The following CDC42BPA variants were observed in gnomAD, a reference collection of about 807,000 sequenced individuals.
CDC42BPA encodes CDC42 binding protein kinase alpha.
Under a neutral mutation model 223.5 loss-of-function variants are expected in CDC42BPA, and 80 were observed. The ratio of observed to expected loss-of-function variants is 0.36; its 90% CI spans 0.30 to 0.43. The LOEUF (loss-of-function observed/expected upper bound fraction) is 0.43. Among genes scored for constraint, CDC42BPA ranks in the 20% least tolerant of loss-of-function variants. CDC42BPA has a pLI of 1.00. For missense variants in CDC42BPA, 1,743 were observed against 2,099.9 expected, an observed-to-expected ratio of 0.83 and a Z score of 3.32; for synonymous variants, 694 against 718.6, an observed-to-expected ratio of 0.97 and a Z score of 0.55.
At chr1:227,258,655 C>T (rs1219749230) in intron 1 of CDC42BPA, among the ~76,000 whole-genome samples, 11 of 150,640 alleles carry the variant, frequency 7.3e-5, no homozygotes, top group Admixed American at 7.2e-4. Context: ...CCAAAAGAAT[C>T]ATGTATCAAT....
intron 5 of CDC42BPA, chr1:227,183,237 T>C (rs1056170092): frequency 5.3e-5 from 8 of 152,220 alleles, no homozygotes; most frequent in Non-Finnish European, 7.3e-5. Context: ...CAATTTTATC[T>C]TGTGTATAGA....
At chr1:227,205,723 A>C (rs1412337762) in intron 3 of CDC42BPA, among the ~76,000 whole-genome samples, 21 of 152,184 alleles carry the variant, frequency 1.4e-4, no homozygotes, top group Admixed American at 1.4e-3. Context: ...TATTATCTTC[A>C]GTTTATACAT....
At chr1:227,293,629 C>G (rs1690094510) in intron 1 of CDC42BPA, among the ~76,000 whole-genome samples, 1 of 151,582 alleles carries the variant, frequency 6.6e-6, no homozygotes. Context: ...AGTTTGAGAC[C>G]AGCCTAACCA....
At chr1:227,218,288 G>A (rs1251642571) in intron 2 of CDC42BPA, among the ~76,000 whole-genome samples, 1 of 152,174 alleles carries the variant, frequency 6.6e-6, no homozygotes, top group Non-Finnish European at 1.5e-5. Flanking sequence ...AGGCATCGAA[G>A]TCCTGACTTC....
chr1:227,290,594 A>G lies in CDC42BPA; in HGVS notation c.178+26411T>C, dbSNP rs180675893. 2.6e-5 allele frequency among the ~76,000 whole-genome samples: 4 copies of G among 152,356 alleles called. No individual in the cohort carries two copies. The East Asian group carries it at 7.7e-4, about 29-fold the overall frequency. Reference sequence around the variant, plus strand: ...ACATAAAAAGACAATAAATAATCCAAGATTCATATTGGTTTCCAAATGAGC... The same window carrying G: ...ACATAAAAAGACAATAAATAATCCAGGATTCATATTGGTTTCCAAATGAGC... On this transcript the variant is annotated intron_variant, in intron 1 of 36. Transcript: ENST00000366766.
chr1:227,085,186 C>A (rs950131088), intron 16 of CDC42BPA, among the ~76,000 whole-genome samples: 7 of 152,124 alleles, frequency 4.6e-5, no homozygotes, highest in African/African-American at 1.7e-4. Context: ...ACATATACCA[C>A]CTCCCACCCC....
chr1:227,086,749 C>T (rs959847895), intron 16 of CDC42BPA, among the ~76,000 whole-genome samples: 3 of 151,358 alleles, frequency 2.0e-5, no homozygotes, highest in Non-Finnish European at 4.4e-5. Context: ...TCACTGCAGC[C>T]TTGACTTCCT....
At chr1:227,196,337 A>AATTT (rs1558733013) in intron 4 of CDC42BPA, among the ~76,000 whole-genome samples, 1 of 28,188 alleles carries the variant, frequency 3.5e-5, no homozygotes, top group Non-Finnish European at 6.6e-5. Flanking sequence ...ATTAAACAAT[A>AATTT]CTTTTTTTTT....
chr1:227,162,577 T>A (rs1478773212), intron 5 of CDC42BPA, among the ~76,000 whole-genome samples: 1 of 152,168 alleles, frequency 6.6e-6, no homozygotes, highest in African/African-American at 2.4e-5. Context: ...TCCCAGCACT[T>A]TGGGAGGCCA....
intron 16 of CDC42BPA, among the ~76,000 whole-genome samples, chr1:227,081,371 G>C (rs1159730682): frequency 6.6e-6 from 1 of 151,230 alleles, no homozygotes; most frequent in Admixed American, 6.6e-5. Flanking sequence ...AAATAAAAAT[G>C]AATTCCCATG....
intron 15 of CDC42BPA, 58 bp downstream of exon 15, chr1:227,100,934 T>C: frequency 9.2e-7 from 1 of 1,092,636 alleles, no homozygotes; most frequent in Non-Finnish European, 1.3e-6. Flanking sequence ...CTCCAATACT[T>C]GACACATAAC....
chr1:227,081,557 A>G (rs951602934), intron 16 of CDC42BPA, among the ~76,000 whole-genome samples: 24 of 151,452 alleles, frequency 1.6e-4, no homozygotes, highest in African/African-American at 5.3e-4. Flanking sequence ...GGTTCAAGCG[A>G]TTCTCCTGTC....
rs1553388920 is a variant in CDC42BPA, at chr1:227,196,338, C to CTTTTTTTTTTTTTTTCTTT, written c.451-2405_451-2404insAAAGAAAAAAAAAAAAAAA. Among the ~76,000 whole-genome samples, 18 of 92,356 alleles carry CTTTTTTTTTTTTTTTCTTT rather than the reference C, an allele frequency of 1.9e-4. 1 individual carries two copies. Among genetic ancestry groups the CTTTTTTTTTTTTTTTCTTT allele is most frequent in the African/African-American group, 7.5e-4 (16 of 21,200 alleles). The allele number at this position is 92,356 out of a possible 152,430, so 60.6% of individuals were successfully genotyped here. ...GCTTTCTTTTTACTATTAAACAATA[C>CTTTTTTTTTTTTTTTCTTT]TTTTTTTTTTTTTTTTTTTGAGACA... On this transcript the variant is annotated intron_variant, in intron 4 of 36. Coordinates refer to ENST00000366766, the MANE Select transcript of CDC42BPA (RefSeq NM_001394014.1).
At position 227,112,365 on chromosome 1, in the gene CDC42BPA, C is replaced by T; in HGVS notation, c.1948G>A (p.Glu650Lys). ...AEASKDRKLR[E>K]QSEHYSKQLE... ...TGCTTAGAATAGTGCTCACTCTGTTCACGTAGCTTCCTGTCTTTAGATGCT... is the reference window on the plus strand; with the variant it reads ...TGCTTAGAATAGTGCTCACTCTGTTTACGTAGCTTCCTGTCTTTAGATGCT... The change falls in exon 14 of 37, where the codon GAA becomes AAA. Residue 650 changes from glutamate to lysine, a missense_variant. Transcript: ENST00000366766. 6.2e-7 allele frequency: 1 copy of T among 1,609,134 alleles called. No individual in the cohort carries two copies. Among genetic ancestry groups the T allele is most frequent in the Non-Finnish European group, 8.5e-7 (1 of 1,177,788 alleles).
chr1:227,092,373 A>C (rs1387125272), intron 15 of CDC42BPA, among the ~76,000 whole-genome samples: 2 of 152,216 alleles, frequency 1.3e-5, no homozygotes, highest in Non-Finnish European at 2.9e-5. Context: ...ATATATGGCA[A>C]TGCAAAAAGT....
At chr1:227,022,180 C>A (rs1667508494) in intron 32 of CDC42BPA, among the ~76,000 whole-genome samples, 1 of 152,000 alleles carries the variant, frequency 6.6e-6, no homozygotes, top group African/African-American at 2.4e-5. Context: ...GCCTATAATC[C>A]CAGTACTTTG....
chr1:227,060,716 A>AT (rs1373925166), intron 21 of CDC42BPA, among the ~76,000 whole-genome samples: 1 of 126,552 alleles, frequency 7.9e-6, no homozygotes, highest in African/African-American at 3.0e-5. Flanking sequence ...GTAAATAGGT[A>AT]CTTTTTTTTT....
At chr1:227,135,992 T>C (rs1658491606) in intron 10 of CDC42BPA, among the ~76,000 whole-genome samples, 1 of 152,006 alleles carries the variant, frequency 6.6e-6, no homozygotes, top group Non-Finnish European at 1.5e-5. Flanking sequence ...TCCTTCTCTG[T>C]GTTATTTTTA....
At chr1:227,294,346 C>G (rs66475802) in intron 1 of CDC42BPA, among the ~76,000 whole-genome samples, 46,695 of 151,566 alleles carry the variant, frequency 0.31, 7,365 homozygotes, top group East Asian at 0.37. Context: ...CTTTGAAGAG[C>G]GTAATTATCA....
Sources: gnomAD v4.1 joint callset for allele counts (sites outside exome capture counted in the v4.1 genomes callset) on GRCh38, gnomAD v4.1.1 for gene constraint, MANE v1.5 for transcripts, NCBI Gene and HGNC (gene_info 2026-07-23, HGNC 2026-07-21) for gene names.